Variants in NUP155 observed in about 807,000 individuals in gnomAD.
NUP155 encodes the protein nucleoporin 155, also known as nuclear pore complex protein Nup155.
A neutral mutation model predicts 180.4 loss-of-function variants in NUP155; 71 were observed. The ratio of observed to expected loss-of-function variants is 0.39; its 90% confidence interval spans 0.33 to 0.48. The LOEUF (loss-of-function observed/expected upper bound fraction) is 0.48, where lower values mean the gene tolerates loss of function less well. Among genes scored for constraint, NUP155 ranks in the 20% least tolerant of loss-of-function variants. NUP155 has a pLI of 0.91. For synonymous variants in NUP155, 582 were observed against 559.5 expected, an observed-to-expected ratio of 1.04 and a Z score of -0.57; for missense variants, 1,553 against 1,648.9, an observed-to-expected ratio of 0.94 and a Z score of 1.01.
intron 22 of NUP155, among the ~76,000 whole-genome samples, chr5:37,313,127 C>T (rs1160110360): frequency 1.3e-5 from 2 of 152,028 alleles, no homozygotes; most frequent in Non-Finnish European, 2.9e-5. Context: ...TGATAAATAT[C>T]TTCCTTTAAA....
At chr5:37,331,660 A>G (rs770416713) in intron 14 of NUP155, 25 bp downstream of exon 14, 7 of 1,359,566 alleles carry the variant, frequency 5.1e-6, no homozygotes, top group Admixed American at 5.1e-5. Flanking sequence ...ATAGCATCAC[A>G]TTTTTTAAAA....
rs986715163 is a variant in NUP155 at position 37,354,420 on chromosome 5, C to T, written c.464-1591G>A. Among the ~76,000 whole-genome samples the T allele has an allele frequency of 4.0e-5, 6 of 149,224 alleles. No individual in the cohort carries two copies. In the Admixed American group the frequency reaches 4.0e-4, roughly 10 times the overall value. On this transcript the variant is annotated intron_variant, in intron 4 of 34. Coordinates refer to ENST00000231498, the MANE Select transcript of NUP155 (RefSeq NM_153485.3). ...CCAGCCTCCCAAAGTGCTGGGATTA[C>T]AGGCGTGAACCAACGCACCCAGTGT...
intron 19 of NUP155, among the ~76,000 whole-genome samples, chr5:37,324,585 G>T (rs558101134): frequency 6.6e-6 from 1 of 151,314 alleles, no homozygotes; most frequent in African/African-American, 2.4e-5. Context: ...GAGAGACAGC[G>T]TCTTGTTGTT....
Position 37,364,069 on chromosome 5 carries a change from G to A in NUP155, c.296-85C>T, listed in dbSNP as rs1216073509. 85 of 1,231,052 alleles carry A rather than the reference G, an allele frequency of 6.9e-5. No homozygotes were observed. The South Asian group carries it at 8.8e-4, about 13-fold the overall frequency. 76.3% of individuals were successfully genotyped at this position (1,231,052 alleles called of 1,614,324 possible). On this transcript the variant is annotated intron_variant, in intron 2 of 34. Transcript: ENST00000231498. ...CAATAGCTTTTGACTTAATATTTAC[G>A]TAAAAAATCACAATGTGTCCACTCT... is the stretch of plus-strand genomic sequence containing the variant.
intron 12 of NUP155, among the ~76,000 whole-genome samples, chr5:37,336,342 G>A (rs1449501169): frequency 6.6e-6 from 1 of 151,996 alleles, no homozygotes; most frequent in Non-Finnish European, 1.5e-5. Context: ...TCGGCTGTAC[G>A]TGGTAATGCA....
At position 37,325,892 on chromosome 5, in the gene NUP155, C is replaced by CA; in HGVS notation, c.2091+8dup. ...ACAAAAATAACAAAATAATATTATA[C>CA]ACACTTACTGCAGTGATCTCTCTGT... On this transcript the variant is annotated intron_variant, in intron 19 of 34. Coordinates refer to ENST00000231498, the MANE Select transcript of NUP155 (RefSeq NM_153485.3). 6.4e-7 allele frequency: 1 copy of CA among 1,553,966 alleles called. No individual in the cohort carries two copies. Among genetic ancestry groups the CA allele is most frequent in the African/African-American group, 1.4e-5 (1 of 73,536 alleles).
chr5:37,297,740 TTA>T (rs1222821879), intron 32 of NUP155, among the ~76,000 whole-genome samples: 21 of 152,022 alleles, frequency 1.4e-4, no homozygotes, highest in Admixed American at 2.6e-4. Flanking sequence ...TTATAAACAT[TTA>T]TATAAAGTAT....
Position 37,288,747 on chromosome 5 carries a change from TAAAAAAAAA to T in NUP155, c.*3144_*3152del, listed in dbSNP as rs1224427809. 1.6e-5 allele frequency: 1 copy of T among 61,634 alleles called. No individual in the cohort carries two copies. The highest frequency in any genetic ancestry group is 6.8e-4 in the South Asian group (1 of 1,474). The allele number at this position is 61,634 out of a possible 1,614,324, so 3.8% of individuals were successfully genotyped here. On this transcript the variant is annotated 3_prime_UTR_variant, in exon 35 of 35. Transcript: ENST00000231498. ...GAGATCTTTTGGCTACACAAAAAAT[TAAAAAAAAA>T]AAAAAAAAAAAAGTAGGGGGGGTGG...
rs752546136 is a variant in NUP155 at position 37,291,978 on chromosome 5, A to G, written c.4098T>C (p.Ser1366=). The change falls in exon 35 of 35, where the codon TCT becomes TCC. Residue 1366 remains serine (S), a synonymous_variant. Transcript: ENST00000231498. ...AVCGYLVELQ[S]MSSSVAVQAI... ...CTTGTACTGCTACTGACGAGCTCAT[A>G]GACTGGAGCTCAACAAGGTAACCAC... The G allele has an allele frequency of 2.8e-5, 45 of 1,613,230 alleles. No individual in the cohort carries two copies. The highest frequency in any genetic ancestry group is 3.5e-5 in the Non-Finnish European group (41 of 1,179,272).
chr5:37,302,826 TTGA>T lies in NUP155; in HGVS notation c.3397_3399del (p.Ser1133del). 3 of 1,614,070 alleles carry T rather than the reference TTGA, an allele frequency of 1.9e-6. No individual in the cohort carries two copies. Among genetic ancestry groups the T allele is most frequent in the Non-Finnish European group, 2.5e-6 (3 of 1,179,946 alleles). On this transcript the variant is annotated inframe_deletion, in exon 29 of 35. Coordinates refer to ENST00000231498, the MANE Select transcript of NUP155 (RefSeq NM_153485.3). ...TGAAGAAATTCACCATCGGCAGCTA[TTGA>T]TGAAATGGCAGTGGAACTTTTGGCA...
chr5:37,353,581 C>A (rs1561809260), intron 4 of NUP155, among the ~76,000 whole-genome samples: 1 of 150,562 alleles, frequency 6.6e-6, no homozygotes, highest in Non-Finnish European at 1.5e-5. Flanking sequence ...GACTCCATCT[C>A]AAAAAAAATA....
chr5:37,320,717 T>G (rs1245570920), intron 20 of NUP155, among the ~76,000 whole-genome samples: 1 of 152,076 alleles, frequency 6.6e-6, no homozygotes, highest in African/African-American at 2.4e-5. Context: ...ATTGCAGATG[T>G]AATGGTAAAA....
At chr5:37,370,677 C>T in intron 1 of NUP155, 144 bp downstream of exon 1, 1 of 1,603,274 alleles carries the variant, frequency 6.2e-7, no homozygotes, top group Non-Finnish European at 8.5e-7. Context: ...TGAAAAGAAG[C>T]TGCTTGCTGT....
chr5:37,329,370 GT>G (rs1744812325), intron 15 of NUP155, 92 bp from the exon 16 acceptor site: 1 of 948,164 alleles, frequency 1.1e-6, no homozygotes, highest in African/African-American at 1.6e-5. Context: ...TAGCTTCCAA[GT>G]AAATGCTTTA....
intron 1 of NUP155, among the ~76,000 whole-genome samples, chr5:37,366,107 G>A (rs912459595): frequency 5.9e-5 from 9 of 152,074 alleles, no homozygotes; most frequent in Non-Finnish European, 1.3e-4. Flanking sequence ...TCTATAAAGT[G>A]TTCTCATGGG....
At chr5:37,324,780 T>C (rs1178477475) in intron 19 of NUP155, among the ~76,000 whole-genome samples, 1 of 152,200 alleles carries the variant, frequency 6.6e-6, no homozygotes, top group African/African-American at 2.4e-5. Flanking sequence ...CCTGAACTCC[T>C]GGGCTCAAGC....
At chr5:37,301,646 A>C (rs1742869179) in intron 29 of NUP155, 96 bp from the exon 30 acceptor site, 1 of 775,282 alleles carries the variant, frequency 1.3e-6, no homozygotes, top group South Asian at 1.4e-5. Flanking sequence ...TAAGTTTGCT[A>C]AAATAATGTA....
intron 14 of NUP155, 64 bp downstream of exon 14, chr5:37,331,621 T>A (rs1581170812): frequency 3.5e-6 from 3 of 860,668 alleles, no homozygotes; most frequent in Non-Finnish European, 5.6e-6. Flanking sequence ...CCAATTTACA[T>A]AAACTATGAC....
chr5:37,342,638 T>C lies in NUP155; in HGVS notation c.1004A>G (p.Asp335Gly). ...SAAGNIARTIDRSVFKPIVQI... is the reference protein window; with the variant it reads ...SAAGNIARTIGRSVFKPIVQI... ...GACAATTGGTTTAAAAACAGAACGA[T>C]CGATGGTCCTAAAAGAAAGGAGAAA... Residue 335 changes from aspartate to glycine, a missense_variant, in exon 10 of 35, where the codon GAT (aspartate) becomes GGT (glycine). Asp to Gly is a moderately conservative substitution (Grantham distance 94, BLOSUM62 -1). Transcript: ENST00000231498. The C allele has an allele frequency of 6.2e-7, 1 of 1,601,310 alleles. No homozygotes were observed. Among genetic ancestry groups the C allele is most frequent in the Non-Finnish European group, 8.6e-7 (1 of 1,168,526 alleles).
Sources: gnomAD v4.1 joint callset for allele counts (sites outside exome capture counted in the v4.1 genomes callset) on GRCh38, gnomAD v4.1.1 for gene constraint, MANE v1.5 for transcripts, NCBI Gene and HGNC (gene_info 2026-07-23, HGNC 2026-07-21) for gene names.